The following KIFC3 variants were observed in gnomAD, a reference collection of about 807,000 sequenced individuals.
KIFC3 encodes the protein kinesin family member C3.
A neutral mutation model predicts 101.8 loss-of-function variants in KIFC3; 60 were observed. The observed-to-expected ratio is 0.59, with a 90% CI of 0.48 to 0.73. KIFC3 has a LOEUF of 0.73. Among genes scored for constraint, KIFC3 ranks in the 30% least tolerant of loss-of-function variants. The pLI is 0.00. For missense variants in KIFC3, 966 were observed against 1,137.1 expected (o/e 0.85, Z 2.16); for synonymous variants, 476 against 482.7 (o/e 0.99, Z 0.18).
Position 57,760,383 on chromosome 16 carries a change from G to A in KIFC3, c.2266C>T (p.Leu756Phe). The A allele has an allele frequency of 6.2e-7, 1 of 1,613,932 alleles. No homozygotes were observed. Among genetic ancestry groups the A allele is most frequent in the Non-Finnish European group, 8.5e-7 (1 of 1,179,986 alleles). Residue 756 changes from leucine (L) to phenylalanine (F), a missense_variant, in exon 17 of 20, where the codon CTC becomes TTC. Leu to Phe is a conservative substitution (Grantham distance 22, BLOSUM62 0). Coordinates refer to ENST00000445690, the MANE Select transcript of KIFC3 (RefSeq NM_001130100.2). ...SPVEKNTSET[L>F]YSLKFAERVR... The stretch of plus-strand genomic sequence containing the variant: ...CTCTCAGCAAACTTGAGGGAATAGA[G>A]CGTCTCGCTAGTGTTCTTCTCCACG...
chr16:57,771,837 AG>A, intron 4 of KIFC3, 151 bp from the exon 5 acceptor site: 1 of 975,310 alleles, frequency 1.0e-6, no homozygotes, highest in Non-Finnish European at 1.5e-6. Context: ...GAAAAAGGCA[AG>A]GGCAAGAGAG....
chr16:57,802,904 G>A, upstream of KIFC3: 1 of 1,403,760 alleles, frequency 7.1e-7, no homozygotes, highest in Non-Finnish European at 9.7e-7. This position sits in a 1 kb window ranked among gnomAD's most constrained non-coding sequence, Gnocchi z 5.0. Flanking sequence ...TTCTCACGCG[G>A]GCTCTCATAC....
chr16:57,774,853 G>A (rs191669157), intron 3 of KIFC3: 5 of 1,358,894 alleles, frequency 3.7e-6, no homozygotes, highest in Admixed American at 3.5e-5. Flanking sequence ...CAAAGAATAC[G>A]TAATTCCTAC....
intron 1 of KIFC3, among the ~76,000 whole-genome samples, chr16:57,832,002 AT>A (rs1555479413): frequency 6.6e-6 from 1 of 151,430 alleles, no homozygotes; most frequent in African/African-American, 2.4e-5. Flanking sequence ...TGCAAGGTGA[AT>A]TTTTTGTTTT....
upstream of KIFC3, among the ~76,000 whole-genome samples, chr16:57,807,223 G>GAA (rs376858251): frequency 4.2e-5 from 6 of 143,862 alleles, no homozygotes; most frequent in African/African-American, 1.0e-4. Context: ...TCTAAAAAAA[G>GAA]AAAAAAAAAA....
intron 1 of KIFC3, chr16:57,798,506 G>C (rs2054518816): frequency 3.4e-6 from 2 of 585,954 alleles, no homozygotes; most frequent in African/African-American, 3.9e-5. Context: ...GCTCCGAAGT[G>C]CGAAAGTTGC....
At chr16:57,782,163 C>G in intron 3 of KIFC3, 1 of 984,552 alleles carries the variant, frequency 1.0e-6, no homozygotes, top group Non-Finnish European at 1.2e-6. Context: ...CCACACATTA[C>G]AGTTGACCAT....
intron 1 of KIFC3, among the ~76,000 whole-genome samples, chr16:57,826,842 T>C (rs2055468225): frequency 6.6e-6 from 1 of 152,146 alleles, no homozygotes; most frequent in Non-Finnish European, 1.5e-5. Context: ...AGTACATACC[T>C]CTCACCGTGG....
chr16:57,760,609 G>T (rs2049726471), intron 16 of KIFC3, 117 bp downstream of exon 16: 2 of 1,084,182 alleles, frequency 1.8e-6, no homozygotes, highest in Non-Finnish European at 2.7e-6. Context: ...CACAGGGTGT[G>T]TGTGGCCAGG....
At chr16:57,768,302 C>T (rs997746022) in intron 9 of KIFC3, among the ~76,000 whole-genome samples, 3 of 152,016 alleles carry the variant, frequency 2.0e-5, no homozygotes, top group African/African-American at 4.8e-5. Flanking sequence ...GCTGAGATCC[C>T]GCCATTGCAC....
chr16:57,853,763 C>A (rs187402827), intron 1 of KIFC3, among the ~76,000 whole-genome samples: 49 of 152,298 alleles, frequency 3.2e-4, no homozygotes, highest in Non-Finnish European at 6.5e-4. Flanking sequence ...TCCTGAGTAG[C>A]TGGGATTACA....
At chr16:57,785,245 C>A (rs1448827681) in intron 3 of KIFC3, among the ~76,000 whole-genome samples, 1 of 152,130 alleles carries the variant, frequency 6.6e-6, no homozygotes, top group Non-Finnish European at 1.5e-5. Flanking sequence ...GATGGGAGGC[C>A]TCTGCAAGCT....
intron 2 of KIFC3, 110 bp downstream of exon 2, chr16:57,797,962 T>C: frequency 6.5e-7 from 1 of 1,544,078 alleles, no homozygotes; most frequent in Non-Finnish European, 8.7e-7. Flanking sequence ...ACCCTGTAAT[T>C]ACCTGACAGC....
chr16:57,847,262 GGAAGGA>G lies in KIFC3; in HGVS notation c.108+15461_108+15466del, dbSNP rs1567339449. 4.2e-3 allele frequency among the ~76,000 whole-genome samples: 333 copies of G among 79,616 alleles called. 6 individuals are homozygous for G. The highest frequency in any genetic ancestry group is 0.016 in the South Asian group (34 of 2,138). 52.2% of individuals were successfully genotyped at this position (79,616 alleles called of 152,430 possible). A position where few individuals can be genotyped will look rare whatever the true frequency, so the allele number is the denominator to read the frequency against. ...AGGAAGGAAGGAAGGAAGGAAGGAAGGAAGGAAGGGAAGGGAGGGAGGGAGAGAGGG... is the reference window on the plus strand; with the variant it reads ...AGGAAGGAAGGAAGGAAGGAAGGAAGAGGGAAGGGAGGGAGGGAGAGAGGG... On this transcript the variant is annotated intron_variant, in intron 1 of 2. Coordinates refer to the KIFC3 transcript ENST00000563028.
At chr16:57,788,280 AC>A (rs1392925050) in intron 3 of KIFC3, among the ~76,000 whole-genome samples, 1 of 152,220 alleles carries the variant, frequency 6.6e-6, no homozygotes, top group Non-Finnish European at 1.5e-5. Context: ...CTGGGAAAAA[AC>A]AAAAAGCAGG....
intron 1 of KIFC3, chr16:57,816,735 C>G (rs1311459311): frequency 4.4e-6 from 2 of 456,560 alleles, no homozygotes; most frequent in Non-Finnish European, 8.8e-6. Flanking sequence ...CCTCAGGGAT[C>G]CGTGGAAGTC....
At chr16:57,765,430 T>C (rs782773261) in intron 11 of KIFC3, 29 bp downstream of exon 11, 22 of 1,548,422 alleles carry the variant, frequency 1.4e-5, no homozygotes, top group Non-Finnish European at 1.9e-5. Flanking sequence ...CTCCCTTGCT[T>C]TCCCTTTCCC....
At chr16:57,779,613 T>C (rs2052491481) in intron 3 of KIFC3, 1 of 151,762 alleles carries the variant, frequency 6.6e-6, no homozygotes, top group Non-Finnish European at 1.5e-5. Context: ...AGGTCAGGAG[T>C]CTGAGACCAG....
At chr16:57,775,628 A>G (rs1248017140) in intron 3 of KIFC3, 3 of 985,436 alleles carry the variant, frequency 3.0e-6, no homozygotes, top group African/African-American at 1.7e-5. Context: ...TCACACACTC[A>G]CCGCAGCTTC....
Sources: gnomAD v4.1 joint callset for allele counts (sites outside exome capture counted in the v4.1 genomes callset) on GRCh38, gnomAD v4.1.1 for gene constraint, Gnocchi (gnomAD v3.1) non-coding constraint, MANE v1.5 for transcripts, NCBI Gene and HGNC (gene_info 2026-07-23, HGNC 2026-07-21) for gene names.